DSTYK: variants seen among roughly 807,000 people sequenced by gnomAD.
The protein encoded by DSTYK is RIP-homologous kinase.
DSTYK carries 34 observed loss-of-function variants against 98.7 expected under a neutral mutation model. That is an observed-to-expected ratio of 0.34 (90% CI 0.26 to 0.46). The LOEUF is 0.46. Among genes scored for constraint, DSTYK ranks in the 20% least tolerant of loss-of-function variants. The probability of loss-of-function intolerance (pLI) is 1.00; values close to 1 mark genes in which losing one functional copy is unlikely to be tolerated. For synonymous variants in DSTYK, 462 were observed against 457.3 expected, an observed-to-expected ratio of 1.01 and a Z score of -0.13; for missense variants, 962 against 1,181.7, an observed-to-expected ratio of 0.81 and a Z score of 2.73.
At chr1:205,152,539 C>T (rs757005251) in intron 10 of DSTYK, among the ~76,000 whole-genome samples, 3 of 152,356 alleles carry the variant, frequency 2.0e-5, no homozygotes, top group African/African-American at 7.2e-5. Context: ...ACTGTCATTG[C>T]GCAGTGCATG....
intron 1 of DSTYK, among the ~76,000 whole-genome samples, chr1:205,193,304 T>C (rs927996304): frequency 6.6e-6 from 1 of 152,196 alleles, no homozygotes; most frequent in Non-Finnish European, 1.5e-5. Context: ...CTCTTTAAGA[T>C]ACATACTTTA....
intron 1 of DSTYK, among the ~76,000 whole-genome samples, chr1:205,206,362 C>T (rs1659202682): frequency 6.6e-6 from 1 of 152,054 alleles, no homozygotes; most frequent in African/African-American, 2.4e-5. Context: ...TCACCAAAAC[C>T]TCCGCCTCCC....
rs539273478 is a variant in DSTYK at position 205,203,969 on chromosome 1, C to A, written c.265+7302G>T. Reference sequence around the variant, plus strand: ...ACCTGTACCATGGGAAACAGATTACCCCCAGAAAGGAAGATTCGGAAGGAG... The same window carrying A: ...ACCTGTACCATGGGAAACAGATTACACCCAGAAAGGAAGATTCGGAAGGAG... On this transcript the variant is annotated intron_variant, in intron 1 of 12. Transcript: ENST00000367162. Among the ~76,000 whole-genome samples, 4 of 152,120 alleles carry A rather than the reference C, an allele frequency of 2.6e-5. No individual in the cohort carries two copies. In the South Asian group the frequency reaches 8.3e-4, roughly 32 times the overall value.
intron 1 of DSTYK, among the ~76,000 whole-genome samples, chr1:205,192,328 G>T (rs969895840): frequency 6.6e-6 from 1 of 151,844 alleles, no homozygotes; most frequent in Non-Finnish European, 1.5e-5. Context: ...GCTCAGAAGT[G>T]CGAGACCAGC....
chr1:205,183,101 CAG>C (rs1558617409), intron 2 of DSTYK, among the ~76,000 whole-genome samples: 1 of 148,612 alleles, frequency 6.7e-6, no homozygotes, highest in Non-Finnish European at 1.5e-5. Context: ...CACACACACA[CAG>C]AGATATATCA....
At chr1:205,167,015 A>G (rs1350770980) in intron 3 of DSTYK, among the ~76,000 whole-genome samples, 1 of 152,226 alleles carries the variant, frequency 6.6e-6, no homozygotes, top group Non-Finnish European at 1.5e-5. Flanking sequence ...TAACTATAAT[A>G]AAAGATAGAA....
At position 205,147,574 on chromosome 1, in the gene DSTYK, AGTC is replaced by A; in HGVS notation, c.2771_2773del (p.Gly924_Leu925delinsVal). 6.2e-7 allele frequency: 1 copy of A among 1,610,434 alleles called. No homozygotes were observed. The highest frequency in any genetic ancestry group is 1.1e-5 in the South Asian group (1 of 91,022). ...TCTTTGCTTTCAAGTAGAATCATCTAGTCCTCTGTTTGGCTGCTCAGAATTGGA... is the reference window on the plus strand; with the variant it reads ...TCTTTGCTTTCAAGTAGAATCATCTACTCTGTTTGGCTGCTCAGAATTGGA... On this transcript the variant is annotated inframe_deletion, in exon 13 of 13. Coordinates refer to ENST00000367162, the MANE Select transcript of DSTYK (RefSeq NM_015375.3).
chr1:205,191,471 A>AAAT (rs1658711309), intron 1 of DSTYK, among the ~76,000 whole-genome samples: 1 of 152,156 alleles, frequency 6.6e-6, no homozygotes, highest in Admixed American at 6.5e-5. Flanking sequence ...GATCTTTCTG[A>AAAT]GCCTTGAAAT....
chr1:205,152,167 T>G (rs977732694), intron 10 of DSTYK, among the ~76,000 whole-genome samples: 3 of 152,144 alleles, frequency 2.0e-5, no homozygotes, highest in Non-Finnish European at 4.4e-5. Flanking sequence ...TAGTCCATTA[T>G]AATCTTTTTT....
rs189011719 is a variant in DSTYK, at chr1:205,148,086, G to A, written c.2602+119C>T. The A allele has an allele frequency of 2.4e-5, 29 of 1,211,334 alleles. No individual in the cohort carries two copies. In the Admixed American group the frequency reaches 3.8e-4, roughly 16 times the overall value. The allele number at this position is 1,211,334 out of a possible 1,614,324, so 75.0% of individuals were successfully genotyped here. On this transcript the variant is annotated intron_variant, in intron 12 of 12. Coordinates refer to ENST00000367162, the MANE Select transcript of DSTYK (RefSeq NM_015375.3). ...TTTCTGGATTCATGACAGTTTAAAC[G>A]TATCTACGGCCCTGCTATGGAGTGG...
At chr1:205,210,119 C>T (rs924261812) in intron 1 of DSTYK, among the ~76,000 whole-genome samples, 2 of 151,976 alleles carry the variant, frequency 1.3e-5, no homozygotes, top group African/African-American at 4.8e-5. Flanking sequence ...CCAGGCTGGT[C>T]CCGAATTCCT....
intron 1 of DSTYK, among the ~76,000 whole-genome samples, chr1:205,197,552 C>T (rs1475463592): frequency 6.6e-6 from 1 of 151,726 alleles, no homozygotes; most frequent in Non-Finnish European, 1.5e-5. Flanking sequence ...GTATCCAGCT[C>T]TTGATCTCAG....
intron 2 of DSTYK, among the ~76,000 whole-genome samples, chr1:205,181,504 G>T (rs953686130): frequency 5.3e-5 from 8 of 151,864 alleles, no homozygotes. Context: ...ACAGGTGCCT[G>T]CCACCATGCC....
chr1:205,192,587 C>T (rs893833680), intron 1 of DSTYK, among the ~76,000 whole-genome samples: 8 of 151,924 alleles, frequency 5.3e-5, no homozygotes, highest in African/African-American at 1.9e-4. Context: ...CCAGGCTGGG[C>T]GTAGTGGTTC....
chr1:205,211,470 T>TCCG lies in DSTYK; in HGVS notation c.63_65dup (p.Gly22dup), dbSNP rs778756332. 21 of 1,588,250 alleles carry TCCG rather than the reference T, an allele frequency of 1.3e-5. No individual in the cohort carries two copies. The highest frequency in any genetic ancestry group is 1.7e-5 in the Non-Finnish European group (20 of 1,171,542). On this transcript the variant is annotated inframe_insertion, in exon 1 of 13. Coordinates refer to ENST00000367162, the MANE Select transcript of DSTYK (RefSeq NM_015375.3). ...AGCCCCGGCACAGCTCGCGGATCAT[T>TCCG]CCGCCGCCGCCGGGGCCGGGACCCG...
At chr1:205,209,506 G>C (rs1457968017) in intron 1 of DSTYK, among the ~76,000 whole-genome samples, 11 of 45,148 alleles carry the variant, frequency 2.4e-4, no homozygotes, top group South Asian at 1.5e-3. Flanking sequence ...GTCATCCCCA[G>C]AAATGGTGAT....
intron 1 of DSTYK, 128 bp downstream of exon 1, chr1:205,211,143 G>A (rs1659360746): frequency 7.4e-7 from 1 of 1,357,208 alleles, no homozygotes; most frequent in Non-Finnish European, 9.6e-7. Context: ...CCGGGGACCC[G>A]GCCACACGAC....
At chr1:205,182,383 C>T (rs575768000) in intron 2 of DSTYK, among the ~76,000 whole-genome samples, 1 of 150,982 alleles carries the variant, frequency 6.6e-6, no homozygotes, top group South Asian at 2.1e-4. Context: ...AGAGTGAGAC[C>T]CTGTCTCAAA....
intron 3 of DSTYK, among the ~76,000 whole-genome samples, chr1:205,165,158 A>C (rs538960591): frequency 1.3e-5 from 2 of 152,210 alleles, no homozygotes; most frequent in East Asian, 3.9e-4. Context: ...CAGTGGCACG[A>C]TCTCGGCTCA....
Sources: gnomAD v4.1 joint callset for allele counts (sites outside exome capture counted in the v4.1 genomes callset) on GRCh38, gnomAD v4.1.1 for gene constraint, MANE v1.5 for transcripts, NCBI Gene and HGNC (gene_info 2026-07-23, HGNC 2026-07-21) for gene names.